MOXD1: variants seen among roughly 807,000 people sequenced by gnomAD.
MOXD1 encodes monooxygenase DBH like 1.
A neutral mutation model predicts 66.6 loss-of-function variants in MOXD1; 62 were observed. That is an observed-to-expected ratio of 0.93 (90% CI 0.76 to 1.15). MOXD1 has a LOEUF of 1.15. Among genes scored for constraint, MOXD1 ranks in the 50% most tolerant of loss-of-function variants. The pLI is 0.00. For missense variants in MOXD1, 847 were observed against 754.6 expected (o/e 1.12, Z -1.44); for synonymous variants, 303 against 281.9 (o/e 1.07, Z -0.75).
chr6:132,338,577 C>G (rs766978897), intron 4 of MOXD1, among the ~76,000 whole-genome samples: 84 of 152,210 alleles, frequency 5.5e-4, no homozygotes, highest in Middle Eastern at 3.2e-3. Context: ...TTGCCTTACT[C>G]TCCCCACCAG....
At chr6:132,333,197 G>A (rs1045634250) in intron 4 of MOXD1, among the ~76,000 whole-genome samples, 4 of 151,910 alleles carry the variant, frequency 2.6e-5, no homozygotes, top group African/African-American at 9.7e-5. Context: ...TTAGCCAGGC[G>A]TGGTAGCGGG....
At chr6:132,339,521 A>C (rs887288179) in intron 4 of MOXD1, among the ~76,000 whole-genome samples, 2 of 152,232 alleles carry the variant, frequency 1.3e-5, no homozygotes, top group Admixed American at 6.5e-5. Context: ...GCTATATAAT[A>C]ATCATTTTCT....
intron 1 of MOXD1, among the ~76,000 whole-genome samples, chr6:132,387,132 T>C (rs1776667182): frequency 6.6e-6 from 1 of 151,398 alleles, no homozygotes; most frequent in Non-Finnish European, 1.5e-5. Context: ...AGGAGTCCTC[T>C]GGTGTGGTCA....
At chr6:132,316,383 T>C (rs1774959645) in intron 9 of MOXD1, among the ~76,000 whole-genome samples, 1 of 152,114 alleles carries the variant, frequency 6.6e-6, no homozygotes. Context: ...AAATGGATTG[T>C]AAGATTGATG....
chr6:132,377,345 A>T (rs1776415180), intron 1 of MOXD1, among the ~76,000 whole-genome samples: 1 of 152,214 alleles, frequency 6.6e-6, no homozygotes, highest in Admixed American at 6.5e-5. Flanking sequence ...GTGCCTTTTC[A>T]CTGAACTCAT....
At position 132,349,400 on chromosome 6, in the gene MOXD1, TATATAC is replaced by T. The variant is rs1208053664; in HGVS notation, c.664-20812_664-20807del. Among the ~76,000 whole-genome samples the T allele has an allele frequency of 2.2e-3, 96 of 44,120 alleles. 17 individuals are homozygous for T. Among genetic ancestry groups the T allele is most frequent in the African/African-American group, 9.6e-3 (96 of 10,012 alleles). The allele number at this position is 44,120 out of a possible 152,430, so 28.9% of individuals were successfully genotyped here. A position where few individuals can be genotyped will look rare whatever the true frequency, so the allele number is the denominator to read the frequency against. The stretch of plus-strand genomic sequence containing the variant: ...ATACATGTATATATATATACACATA[TATATAC>T]ATATATATATATATACATATATATA... On this transcript the variant is annotated intron_variant, in intron 4 of 11. Coordinates refer to ENST00000367963, the MANE Select transcript of MOXD1 (RefSeq NM_015529.4).
chr6:132,355,997 C>A (rs370586109), intron 4 of MOXD1, among the ~76,000 whole-genome samples: 4 of 152,298 alleles, frequency 2.6e-5, no homozygotes, highest in African/African-American at 9.6e-5. Flanking sequence ...AGAGCACTAG[C>A]GTTTCTGTCT....
chr6:132,385,650 A>C (rs965767268), intron 1 of MOXD1, among the ~76,000 whole-genome samples: 2 of 151,756 alleles, frequency 1.3e-5, no homozygotes, highest in Non-Finnish European at 2.9e-5. Context: ...TGCCTGGCTA[A>C]TTTTTGTATT....
intron 4 of MOXD1, among the ~76,000 whole-genome samples, chr6:132,363,449 T>C (rs1051614563): frequency 6.6e-6 from 1 of 152,186 alleles, no homozygotes; most frequent in Non-Finnish European, 1.5e-5. Context: ...CATGGCTGGA[T>C]ATAAGCTATC....
intron 4 of MOXD1, among the ~76,000 whole-genome samples, chr6:132,330,161 C>G (rs1246737747): frequency 6.6e-6 from 1 of 152,156 alleles, no homozygotes; most frequent in East Asian, 1.9e-4. Flanking sequence ...TCAGTTAGAG[C>G]AGGGGTCCCC....
At chr6:132,318,377 C>G (rs187072683) in intron 9 of MOXD1, among the ~76,000 whole-genome samples, 1 of 152,044 alleles carries the variant, frequency 6.6e-6, no homozygotes, top group Non-Finnish European at 1.5e-5. Flanking sequence ...AAAATTTTGC[C>G]AAACTGGTTA....
chr6:132,318,385 T>G (rs969591486), intron 9 of MOXD1, among the ~76,000 whole-genome samples: 15 of 152,032 alleles, frequency 9.9e-5, no homozygotes, highest in African/African-American at 3.4e-4. Flanking sequence ...GCCAAACTGG[T>G]TAGTTCAAAA....
intron 1 of MOXD1, among the ~76,000 whole-genome samples, chr6:132,396,362 C>A (rs1326760606): frequency 6.6e-6 from 1 of 151,638 alleles, no homozygotes; most frequent in African/African-American, 2.4e-5. Flanking sequence ...CATATCAAAA[C>A]CTATAGGGTA....
intron 1 of MOXD1, among the ~76,000 whole-genome samples, chr6:132,388,926 G>A (rs1776701441): frequency 6.6e-6 from 1 of 151,284 alleles, no homozygotes; most frequent in Non-Finnish European, 1.5e-5. Flanking sequence ...GTTGACAAAA[G>A]GTGTGTAGGA....
rs1554239404 is a variant in MOXD1, at chr6:132,398,935, C to CACAAAAAAAA, written c.264+2227_264+2228insTTTTTTTTGT. Among the ~76,000 whole-genome samples, 22 of 75,062 alleles carry CACAAAAAAAA rather than the reference C, an allele frequency of 2.9e-4. 1 individual carries two copies. The highest frequency in any genetic ancestry group is 5.8e-4 in the South Asian group (1 of 1,710). 49.2% of individuals were successfully genotyped at this position (75,062 alleles called of 152,430 possible). A position where few individuals can be genotyped will look rare whatever the true frequency, so the allele number is the denominator to read the frequency against. ...CCTGGGCAATAAAGAGAGACTTTGT[C>CACAAAAAAAA]AAAAAAAAAAAAAAAAAAAAGAGAA... On this transcript the variant is annotated intron_variant, in intron 1 of 11. Transcript: ENST00000367963.
intron 1 of MOXD1, among the ~76,000 whole-genome samples, chr6:132,377,939 C>A (rs1330311885): frequency 6.6e-6 from 1 of 152,018 alleles, no homozygotes; most frequent in African/African-American, 2.4e-5. Flanking sequence ...ACCAGCCTGG[C>A]CAACATGGTG....
chr6:132,393,941 C>G (rs976154172), intron 1 of MOXD1, among the ~76,000 whole-genome samples: 4 of 152,216 alleles, frequency 2.6e-5, no homozygotes, highest in African/African-American at 9.6e-5. Flanking sequence ...CAGCACTGAC[C>G]ACTTGGGTTC....
chr6:132,392,509 G>A lies in MOXD1; in HGVS notation c.264+8654C>T, dbSNP rs138785000. ...GCTAAATGATTCGGGCGGGGGTGGA[G>A]TTGCTCTGTGTCAAAAAGGGGCAAA... On this transcript the variant is annotated intron_variant, in intron 1 of 11. Coordinates refer to ENST00000367963, the MANE Select transcript of MOXD1 (RefSeq NM_015529.4). Among the ~76,000 whole-genome samples the A allele has an allele frequency of 1.1e-4, 16 of 152,268 alleles. 1 individual carries two copies. The highest frequency in any genetic ancestry group is 3.9e-4 in the African/African-American group (16 of 41,544).
intron 1 of MOXD1, among the ~76,000 whole-genome samples, chr6:132,392,571 G>C (rs141841899): frequency 6.6e-6 from 1 of 152,312 alleles, no homozygotes; most frequent in Non-Finnish European, 1.5e-5. Flanking sequence ...AGGGCAATGA[G>C]AGCTGAACTG....
Sources: gnomAD v4.1 joint callset for allele counts (sites outside exome capture counted in the v4.1 genomes callset) on GRCh38, gnomAD v4.1.1 for gene constraint, MANE v1.5 for transcripts, NCBI Gene and HGNC (gene_info 2026-07-23, HGNC 2026-07-21) for gene names.